The following MDGA2 variants were observed in gnomAD, a reference collection of about 807,000 sequenced individuals.
The protein encoded by MDGA2 is MAM domain-containing glycosylphosphatidylinositol anchor protein 2.
In MDGA2, 40 loss-of-function variants were observed where a neutral mutation model predicts 117.8. The ratio of observed to expected loss-of-function variants is 0.34; its 90% CI spans 0.26 to 0.44. MDGA2 has a LOEUF of 0.44. Ranked by LOEUF, MDGA2 falls within the 20% of genes least tolerant of loss-of-function variation. The probability of loss-of-function intolerance (pLI) is 1.00; values close to 1 mark genes in which losing one functional copy is unlikely to be tolerated. For synonymous variants in MDGA2, 452 were observed against 439.0 expected (o/e 1.03, Z -0.37); for missense variants, 1,123 against 1,250.6 (o/e 0.90, Z 1.54).
At chr14:46,906,981 T>C (rs1010723418) in intron 10 of MDGA2, among the ~76,000 whole-genome samples, 19 of 142,972 alleles carry the variant, frequency 1.3e-4, no homozygotes, top group East Asian at 4.1e-4. Flanking sequence ...TCTTTTTTTT[T>C]TTTTTTTTTT....
chr14:46,844,145 T>C (rs1380812121), intron 16 of MDGA2, among the ~76,000 whole-genome samples: 4 of 152,134 alleles, frequency 2.6e-5, no homozygotes, highest in Non-Finnish European at 5.9e-5. Context: ...TAAACCATAA[T>C]ACTCAAAAAA....
At chr14:47,308,925 C>T (rs1889547047) in intron 1 of MDGA2, among the ~76,000 whole-genome samples, 2 of 152,026 alleles carry the variant, frequency 1.3e-5, no homozygotes, top group Non-Finnish European at 2.9e-5. Context: ...CATTTGCTCT[C>T]CTTCAGCCTT....
chr14:47,547,010 T>C (rs541687909), intron 1 of MDGA2, among the ~76,000 whole-genome samples: 1 of 152,314 alleles, frequency 6.6e-6, no homozygotes, highest in Admixed American at 6.5e-5. Flanking sequence ...ACAAGTTGTT[T>C]TTTAAAAAAA....
At position 47,042,683 on chromosome 14, in the gene MDGA2, A is replaced by G. The variant is rs561516363; in HGVS notation, c.1526-7379T>C. On this transcript the variant is annotated intron_variant, in intron 7 of 16. Transcript: ENST00000399232. ...AAGAACTAAATAATTTGCGTTTGCA[A>G]CAACTGTCAATGGCACATCACTAAT... Among the ~76,000 whole-genome samples the G allele has an allele frequency of 7.2e-5, 11 of 152,240 alleles. No individual in the cohort carries two copies. In the South Asian group the frequency reaches 1.9e-3, roughly 26 times the overall value.
intron 1 of MDGA2, among the ~76,000 whole-genome samples, chr14:47,669,519 T>C (rs1392410184): frequency 6.6e-6 from 1 of 152,144 alleles, no homozygotes. Context: ...TATAAAATAA[T>C]CTGCCCATTT....
chr14:47,088,683 C>T (rs774765900), intron 6 of MDGA2, among the ~76,000 whole-genome samples: 7 of 152,078 alleles, frequency 4.6e-5, no homozygotes, highest in Admixed American at 4.6e-4. Context: ...AAGATATATA[C>T]CTTTCAACAA....
intron 1 of MDGA2, among the ~76,000 whole-genome samples, chr14:47,602,551 T>C (rs1386373601): frequency 6.6e-6 from 1 of 152,198 alleles, no homozygotes; most frequent in Non-Finnish European, 1.5e-5. Flanking sequence ...GAAATGTGCA[T>C]ATTTTTAGTT....
chr14:47,247,411 T>A (rs61995429), intron 2 of MDGA2, among the ~76,000 whole-genome samples: 3 of 150,712 alleles, frequency 2.0e-5, no homozygotes, highest in Admixed American at 6.6e-5. Context: ...TTCAAGCAAT[T>A]CTCCTGCCTC....
At chr14:47,160,610 C>A (rs1399567803) in intron 3 of MDGA2, among the ~76,000 whole-genome samples, 1 of 152,070 alleles carries the variant, frequency 6.6e-6, no homozygotes, top group African/African-American at 2.4e-5. Flanking sequence ...CAGTTGTGAG[C>A]CATAATTGCA....
intron 14 of MDGA2, among the ~76,000 whole-genome samples, chr14:46,856,880 G>A (rs921258850): frequency 2.6e-5 from 4 of 151,880 alleles, no homozygotes; most frequent in Non-Finnish European, 5.9e-5. Context: ...TTATTTTAGA[G>A]TTAAGATATA....
chr14:47,357,932 A>G (rs927059569), intron 1 of MDGA2, among the ~76,000 whole-genome samples: 1 of 152,116 alleles, frequency 6.6e-6, no homozygotes, highest in Non-Finnish European at 1.5e-5. Context: ...CAGCTCTAAG[A>G]ATGAGGAGTA....
At chr14:47,453,954 TCA>T in intron 1 of MDGA2, among the ~76,000 whole-genome samples, 1 of 152,198 alleles carries the variant, frequency 6.6e-6, no homozygotes, top group African/African-American at 2.4e-5. Flanking sequence ...TCTTCTAATC[TCA>T]TGGAATATTA....
chr14:46,981,109 T>TTTAA (rs1162582558), intron 8 of MDGA2, among the ~76,000 whole-genome samples: 1 of 151,990 alleles, frequency 6.6e-6, no homozygotes, highest in Non-Finnish European at 1.5e-5. Context: ...TCAAGAGACT[T>TTTAA]TTTAAGAGTC....
chr14:47,553,748 G>T (rs111306632), intron 1 of MDGA2, among the ~76,000 whole-genome samples: 2 of 123,142 alleles, frequency 1.6e-5, no homozygotes, highest in African/African-American at 5.9e-5. Flanking sequence ...GTTCATAATA[G>T]AAAAAATATG....
intron 1 of MDGA2, among the ~76,000 whole-genome samples, chr14:47,663,656 G>A (rs1897891031): frequency 6.6e-6 from 1 of 152,138 alleles, no homozygotes; most frequent in Admixed American, 6.5e-5. Context: ...TAAATGATTA[G>A]GTGACTGGGT....
At chr14:47,391,625 A>C (rs191055232) in intron 1 of MDGA2, among the ~76,000 whole-genome samples, 1 of 152,274 alleles carries the variant, frequency 6.6e-6, no homozygotes, top group East Asian at 1.9e-4. Flanking sequence ...AAGGCAACTC[A>C]TTTCTCTGAT....
intron 1 of MDGA2, among the ~76,000 whole-genome samples, chr14:47,459,954 A>G (rs1893448158): frequency 6.6e-6 from 1 of 152,146 alleles, no homozygotes; most frequent in Non-Finnish European, 1.5e-5. Context: ...GTGGATTTCT[A>G]AAACTTAAAG....
In MDGA2 at chr14:46,985,151, T is replaced by G. The variant is rs192291751; in HGVS notation, c.1820-27508A>C. Among the ~76,000 whole-genome samples, 245 of 152,226 alleles carry G rather than the reference T, an allele frequency of 1.6e-3. 2 individuals are homozygous for G. The highest frequency in any genetic ancestry group is 0.011 in the South Asian group (52 of 4,828). On this transcript the variant is annotated intron_variant, in intron 8 of 16. Coordinates refer to ENST00000399232, the MANE Select transcript of MDGA2 (RefSeq NM_001113498.3). ...ACTACTGACCTTCTGTGGGATTCAATTCCTAGTTTGCATTTTGTGAATCTT... is the reference window on the plus strand; with the variant it reads ...ACTACTGACCTTCTGTGGGATTCAAGTCCTAGTTTGCATTTTGTGAATCTT...
At chr14:47,666,677 A>T (rs755938704) in intron 1 of MDGA2, among the ~76,000 whole-genome samples, 41 of 152,226 alleles carry the variant, frequency 2.7e-4, no homozygotes, top group Non-Finnish European at 5.3e-4. Flanking sequence ...GAATAAAAGC[A>T]GGCTGCCTGA....
Sources: gnomAD v4.1 joint callset for allele counts (sites outside exome capture counted in the v4.1 genomes callset) on GRCh38, gnomAD v4.1.1 for gene constraint, MANE v1.5 for transcripts, NCBI Gene and HGNC (gene_info 2026-07-23, HGNC 2026-07-21) for gene names.